The following MGMT variants were observed in gnomAD, a reference collection of about 807,000 sequenced individuals.
The protein encoded by MGMT is O-6-methylguanine-DNA methyltransferase.
Under a neutral mutation model 15.9 loss-of-function variants are expected in MGMT, and 14 were observed. The observed-to-expected ratio is 0.88, with a 90% CI of 0.58 to 1.37. The LOEUF (loss-of-function observed/expected upper bound fraction) is 1.37. Ranked by LOEUF, MGMT falls within the 40% of genes most tolerant of loss-of-function variation. MGMT has a pLI of 0.00. For missense variants in MGMT, 282 were observed against 268.1 expected (o/e 1.05, Z -0.36); for synonymous variants, 130 against 118.2 (o/e 1.10, Z -0.65).
intron 2 of MGMT, among the ~76,000 whole-genome samples, chr10:129,683,128 C>T (rs1302315326): frequency 6.6e-6 from 1 of 152,210 alleles, no homozygotes; most frequent in Non-Finnish European, 1.5e-5. Flanking sequence ...GGATTACAGG[C>T]GTGAGCCACC....
intron 2 of MGMT, among the ~76,000 whole-genome samples, chr10:129,651,022 C>A (rs1847451499): frequency 1.3e-5 from 2 of 152,200 alleles, no homozygotes; most frequent in African/African-American, 4.8e-5. Context: ...GAAGATCCGG[C>A]TGGAACCTGG....
At chr10:129,538,787 C>T (rs982575461) in intron 2 of MGMT, among the ~76,000 whole-genome samples, 7 of 152,200 alleles carry the variant, frequency 4.6e-5, no homozygotes, top group East Asian at 1.9e-4. Context: ...AGGCACGCAC[C>T]GCCACACCTG....
At chr10:129,670,967 T>C (rs1847715649) in intron 2 of MGMT, among the ~76,000 whole-genome samples, 1 of 152,220 alleles carries the variant, frequency 6.6e-6, no homozygotes, top group African/African-American at 2.4e-5. Flanking sequence ...AGATTTACCA[T>C]TTTTATTCTT....
intron 2 of MGMT, among the ~76,000 whole-genome samples, chr10:129,565,974 G>C (rs967003277): frequency 1.3e-5 from 2 of 152,088 alleles, no homozygotes; most frequent in Admixed American, 6.5e-5. Flanking sequence ...GATTCCTGCC[G>C]GGGCCCCAGG....
chr10:129,541,168 C>T (rs1173864040), intron 2 of MGMT, among the ~76,000 whole-genome samples: 3 of 152,266 alleles, frequency 2.0e-5, no homozygotes, highest in Non-Finnish European at 4.4e-5. Context: ...CTGTGTGTGG[C>T]TTCGCACGGG....
At chr10:129,599,496 C>A (rs564007263) in intron 2 of MGMT, among the ~76,000 whole-genome samples, 4 of 152,316 alleles carry the variant, frequency 2.6e-5, no homozygotes, top group South Asian at 2.1e-4. Flanking sequence ...CATTTATCAT[C>A]CCTTCGAGGC....
At chr10:129,585,519 T>C (rs1846608127) in intron 2 of MGMT, among the ~76,000 whole-genome samples, 1 of 152,180 alleles carries the variant, frequency 6.6e-6, no homozygotes, top group South Asian at 2.1e-4. Flanking sequence ...TCAAGCCTCT[T>C]ATATAAAATG....
intron 4 of MGMT, among the ~76,000 whole-genome samples, chr10:129,760,589 CCTG>C (rs1324797180): frequency 2.6e-5 from 4 of 152,172 alleles, no homozygotes; most frequent in Admixed American, 2.6e-4. Context: ...GCCTGCTGCT[CCTG>C]CTGCCCGCTG....
intron 1 of MGMT, among the ~76,000 whole-genome samples, chr10:129,530,933 C>G (rs531329406): frequency 6.6e-6 from 1 of 152,240 alleles, no homozygotes; most frequent in African/African-American, 2.4e-5. Flanking sequence ...ACTCTCCCCC[C>G]GAAGTGTGGC....
intron 3 of MGMT, among the ~76,000 whole-genome samples, chr10:129,710,411 C>T (rs1438186300): frequency 6.6e-6 from 1 of 152,260 alleles, no homozygotes; most frequent in African/African-American, 2.4e-5. Context: ...AGGGCCTTCT[C>T]TCGAGGGTAG....
chr10:129,747,934 C>T (rs141231658), intron 3 of MGMT, among the ~76,000 whole-genome samples: 177 of 152,272 alleles, frequency 1.2e-3, no homozygotes, highest in Non-Finnish European at 2.0e-3. Flanking sequence ...AGAAAAACCA[C>T]ATAGGTAAGC....
intron 2 of MGMT, among the ~76,000 whole-genome samples, chr10:129,678,729 G>T (rs1375917103): frequency 5.9e-5 from 9 of 152,134 alleles, no homozygotes; most frequent in Non-Finnish European, 1.2e-4. Flanking sequence ...TGCTACGTGT[G>T]CACCGGGTGT....
chr10:129,628,431 G>T (rs960983084), intron 2 of MGMT, among the ~76,000 whole-genome samples: 1 of 152,166 alleles, frequency 6.6e-6, no homozygotes, highest in Non-Finnish European at 1.5e-5. Flanking sequence ...TGGATCGCTC[G>T]GTCGCTGGGC....
intron 2 of MGMT, among the ~76,000 whole-genome samples, chr10:129,630,377 C>T (rs528251225): frequency 2.0e-4 from 30 of 152,302 alleles, no homozygotes; most frequent in East Asian, 1.9e-4. Context: ...CATCTCACGC[C>T]GTGAGGAGCT....
intron 2 of MGMT, among the ~76,000 whole-genome samples, chr10:129,656,525 C>G (rs562506506): frequency 6.6e-6 from 1 of 152,222 alleles, no homozygotes; most frequent in Admixed American, 6.5e-5. Context: ...TAAGGACATG[C>G]GCCTGTGACC....
chr10:129,638,429 C>CAAAAAAAAAAAAAA lies in MGMT; in HGVS notation c.126-69463_126-69450dup. Reference sequence around the variant, plus strand: ...GAAGTCCAAGAGAGGACCAAAGAGGCAAAAAAAAAAAAAAAAGAAAAAAAA... The same window carrying CAAAAAAAAAAAAAA: ...GAAGTCCAAGAGAGGACCAAAGAGGCAAAAAAAAAAAAAAAAAAAAAAAAAAAAAAGAAAAAAAA... On this transcript the variant is annotated intron_variant, in intron 2 of 4. Coordinates refer to ENST00000651593, the MANE Select transcript of MGMT (RefSeq NM_002412.5). 4.0e-3 allele frequency among the ~76,000 whole-genome samples: 244 copies of CAAAAAAAAAAAAAA among 61,656 alleles called. 19 individuals are homozygous for CAAAAAAAAAAAAAA. Among genetic ancestry groups the CAAAAAAAAAAAAAA allele is most frequent in the Non-Finnish European group, 5.1e-3 (157 of 30,678 alleles). 40.4% of individuals were successfully genotyped at this position (61,656 alleles called of 152,430 possible). A position where few individuals can be genotyped will look rare whatever the true frequency, so the allele number is the denominator to read the frequency against.
At chr10:129,702,635 G>T (rs1371455545) in intron 2 of MGMT, among the ~76,000 whole-genome samples, 1 of 152,190 alleles carries the variant, frequency 6.6e-6, no homozygotes, top group Admixed American at 6.5e-5. Context: ...GAGGTACCAG[G>T]TGAGGGTCTT....
chr10:129,476,698 A>C lies in MGMT; in HGVS notation c.-13+9402A>C, dbSNP rs931127143. On this transcript the variant is annotated intron_variant, in intron 1 of 4. Coordinates refer to ENST00000651593, the MANE Select transcript of MGMT (RefSeq NM_002412.5). The stretch of plus-strand genomic sequence containing the variant: ...GGAGGTCAGCTCTGGCACCAAGGCC[A>C]TGCTGGGGCTGCAGGGCTTGGCTGG... 4.6e-5 allele frequency among the ~76,000 whole-genome samples: 7 copies of C among 152,260 alleles called. No individual in the cohort carries two copies. In the Middle Eastern group the frequency reaches 0.014, roughly 296 times the overall value.
In MGMT at chr10:129,534,838, C is replaced by G. The variant is rs752570253; in HGVS notation, c.-12-1403C>G. On this transcript the variant is annotated intron_variant, in intron 1 of 4. Coordinates refer to ENST00000651593, the MANE Select transcript of MGMT (RefSeq NM_002412.5). ...AGTGAGCTGCCCTTCCAGGGGTCAG[C>G]AGACCTTTCTGTAGAGGGTTCCAGG... Among the ~76,000 whole-genome samples, 60 of 151,908 alleles carry G rather than the reference C, an allele frequency of 3.9e-4. 1 individual carries two copies. The highest frequency in any genetic ancestry group is 1.3e-4 in the Non-Finnish European group (9 of 67,996).
Sources: gnomAD v4.1 joint callset for allele counts (sites outside exome capture counted in the v4.1 genomes callset) on GRCh38, gnomAD v4.1.1 for gene constraint, MANE v1.5 for transcripts, NCBI Gene and HGNC (gene_info 2026-07-23, HGNC 2026-07-21) for gene names.